ZAP70: variants seen among roughly 807,000 people sequenced by gnomAD.
The protein encoded by ZAP70 is zeta chain of T cell receptor associated protein kinase 70.
In ZAP70, 27 loss-of-function variants were observed where a neutral mutation model predicts 65.8. The ratio of observed to expected loss-of-function variants is 0.41; its 90% CI spans 0.30 to 0.57. ZAP70 has a LOEUF of 0.57. Among genes scored for constraint, ZAP70 ranks in the 20% least tolerant of loss-of-function variants. The pLI, the probability that ZAP70 is intolerant of heterozygous loss-of-function variation, is 0.28. For missense variants in ZAP70, 696 were observed against 870.5 expected, an observed-to-expected ratio of 0.80 and a Z score of 2.52; for synonymous variants, 363 against 360.8, an observed-to-expected ratio of 1.01 and a Z score of -0.07.
At chr2:97,714,284 C>T (rs1676823649) in intron 2 of ZAP70, among the ~76,000 whole-genome samples, 1 of 152,188 alleles carries the variant, frequency 6.6e-6, no homozygotes, top group African/African-American at 2.4e-5. Flanking sequence ...TGGCTGCATC[C>T]TTGGCTCTCG....
the ZAP70 span, among the ~76,000 whole-genome samples, chr2:97,754,911 G>C: frequency 6.6e-6 from 1 of 152,212 alleles, no homozygotes; most frequent in South Asian, 2.1e-4. Context: ...CAGGAAATCT[G>C]GTGTCCCCGA....
chr2:97,741,404 C>T (rs1281543260), downstream of ZAP70, among the ~76,000 whole-genome samples: 1 of 149,410 alleles, frequency 6.7e-6, no homozygotes, highest in Non-Finnish European at 1.5e-5. Context: ...CCGTCCCCAC[C>T]GGTGATGTCC....
Position 97,739,417 on chromosome 2 carries a change from G to A in ZAP70, c.1779G>A (p.Met593Ile). Reference protein sequence around the residue: ...RPDFLTVEQRMRACYYSLASK... With the variant: ...RPDFLTVEQRIRACYYSLASK... The stretch of plus-strand genomic sequence containing the variant: ...ACTTCCTGACCGTGGAGCAGCGCAT[G>A]CGAGCCTGTTACTACAGCCTGGCCA... Residue 593 changes from methionine (M) to isoleucine (I), a missense_variant, in exon 14 of 14, where the codon ATG becomes ATA. Met to Ile is a conservative substitution (Grantham distance 10). Around this residue, in one of 3 missense-constraint regions of ZAP70, gnomAD observed 78 missense variants for 88.6 expected, o/e 0.88. Coordinates refer to ENST00000264972, the MANE Select transcript of ZAP70 (RefSeq NM_001079.4). The A allele has an allele frequency of 6.2e-7, 1 of 1,613,716 alleles. No homozygotes were observed. Among genetic ancestry groups the A allele is most frequent in the South Asian group, 1.1e-5 (1 of 91,086 alleles).
chr2:97,740,263 ATGC>A, downstream of ZAP70, among the ~76,000 whole-genome samples: 1 of 152,186 alleles, frequency 6.6e-6, no homozygotes, highest in Non-Finnish European at 1.5e-5. Context: ...TCATTGGTAG[ATGC>A]ACGTATTAGC....
intron 2 of ZAP70, among the ~76,000 whole-genome samples, chr2:97,723,287 G>A (rs1490825996): frequency 1.3e-5 from 2 of 152,266 alleles, no homozygotes; most frequent in African/African-American, 2.4e-5. Flanking sequence ...CAGGGCGAGG[G>A]GTGCCTGCTA....
chr2:97,733,096 C>T, intron 5 of ZAP70, 29 bp from the exon 6 acceptor site: 1 of 1,613,990 alleles, frequency 6.2e-7, no homozygotes, highest in Non-Finnish European at 8.5e-7. Context: ...AGGAGAGGAG[C>T]CTCTCTGCTA....
chr2:97,733,577 G>A lies in ZAP70; in HGVS notation c.871G>A (p.Gly291Arg). ...ACGAATCGACACCCTCAACTCAGAT[G>A]GATACACCCCTGAGCCAGGTGAGCG... ...QRRIDTLNSD[G>R]YTPEPARITS... Residue 291 changes from glycine to arginine, a missense_variant, in exon 8 of 14, where the codon GGA becomes AGA. Physicochemically the swap from Gly to Arg is moderately radical, Grantham distance 125. Coordinates refer to ENST00000264972, the MANE Select transcript of ZAP70 (RefSeq NM_001079.4). 6.2e-7 allele frequency: 1 copy of A among 1,613,680 alleles called. No individual in the cohort carries two copies. The highest frequency in any genetic ancestry group is 8.5e-7 in the Non-Finnish European group (1 of 1,180,006).
At chr2:97,714,530 C>A (rs1676833517) in intron 2 of ZAP70, among the ~76,000 whole-genome samples, 1 of 152,178 alleles carries the variant, frequency 6.6e-6, no homozygotes, top group Admixed American at 6.5e-5. Flanking sequence ...GCCTCTCTGA[C>A]CTCAGTTTGT....
chr2:97,736,775 G>A lies in ZAP70; in HGVS notation c.1290-698G>A, dbSNP rs1014251815. On this transcript the variant is annotated intron_variant, in intron 10 of 13. Coordinates refer to ENST00000264972, the MANE Select transcript of ZAP70 (RefSeq NM_001079.4). This position sits in a 1 kb window ranked among gnomAD's most constrained non-coding sequence, Gnocchi z 4.0. Reference sequence around the variant, plus strand: ...GGTGGTCCCGTGCCTCGTGTGGTGCGGGCAGGGAGGGGATGAGCAGACCGT... The same window carrying A: ...GGTGGTCCCGTGCCTCGTGTGGTGCAGGCAGGGAGGGGATGAGCAGACCGT... Among the ~76,000 whole-genome samples, 1 of 152,154 alleles carries A rather than the reference G, an allele frequency of 6.6e-6. No homozygotes were observed. Among genetic ancestry groups the A allele is most frequent in the African/African-American group, 2.4e-5 (1 of 41,434 alleles).
At position 97,737,910 on chromosome 2, in the gene ZAP70, A is replaced by G. The variant is rs1283560004; in HGVS notation, c.1623+13A>G. 6.2e-7 allele frequency: 1 copy of G among 1,614,008 alleles called. No individual in the cohort carries two copies. The highest frequency in any genetic ancestry group is 1.3e-5 in the African/African-American group (1 of 74,936). On this transcript the variant is annotated intron_variant, in intron 12 of 13. Transcript: ENST00000264972. The surrounding 1 kb of genome is among the most constrained non-coding windows in gnomAD (Gnocchi z 5.0). Reference sequence around the variant, plus strand: ...GAAGCCCTACAAGGCAGGCGCGGGCAGAGGCAGGTGGGCGGTGTGGTGGGG... The same window carrying G: ...GAAGCCCTACAAGGCAGGCGCGGGCGGAGGCAGGTGGGCGGTGTGGTGGGG...
At chr2:97,722,075 G>A (rs753953739) in intron 2 of ZAP70, among the ~76,000 whole-genome samples, 14 of 147,864 alleles carry the variant, frequency 9.5e-5, no homozygotes, top group Non-Finnish European at 1.9e-4. Flanking sequence ...GAGCCACCAC[G>A]CTCGGCCTAT....
At chr2:97,724,719 C>A in intron 3 of ZAP70, 1 of 1,512,236 alleles carries the variant, frequency 6.6e-7, no homozygotes, top group Non-Finnish European at 8.8e-7. Context: ...GAAGGCGAGG[C>A]TTGGAATGGG....
rs1286538070 is a variant in ZAP70 at position 97,724,090 on chromosome 2, C to G, written c.54C>G (p.Ala18=). ...LPFFYGSISR[A]EAEEHLKLAG... Reference sequence around the variant, plus strand: ...TCTTCTACGGCAGCATCTCGCGTGCCGAGGCCGAGGAGCACCTGAAGCTGG... The same window carrying G: ...TCTTCTACGGCAGCATCTCGCGTGCGGAGGCCGAGGAGCACCTGAAGCTGG... Residue 18 remains alanine, a synonymous_variant, in exon 3 of 14, where the codon GCC becomes GCG. Coordinates refer to ENST00000264972, the MANE Select transcript of ZAP70 (RefSeq NM_001079.4). The G allele has an allele frequency of 2.6e-6, 4 of 1,561,506 alleles. No individual in the cohort carries two copies. Among genetic ancestry groups the G allele is most frequent in the South Asian group, 2.3e-5 (2 of 85,752 alleles).
At chr2:97,749,260 C>T in the ZAP70 span, among the ~76,000 whole-genome samples, 7 of 152,164 alleles carry the variant, frequency 4.6e-5, no homozygotes, top group African/African-American at 1.2e-4. Flanking sequence ...CCGCCTGCCT[C>T]GGCCTCCCAA....
At chr2:97,718,565 A>G (rs1363845175) in intron 2 of ZAP70, among the ~76,000 whole-genome samples, 1 of 152,112 alleles carries the variant, frequency 6.6e-6, no homozygotes, top group East Asian at 1.9e-4. Flanking sequence ...CCTTGTGGGC[A>G]GTGGGACAGG....
chr2:97,714,698 C>A (rs540362355), intron 2 of ZAP70, among the ~76,000 whole-genome samples: 1 of 152,210 alleles, frequency 6.6e-6, no homozygotes, highest in East Asian at 1.9e-4. Flanking sequence ...TCATTACTCT[C>A]GTCTTGGTTG....
intron 2 of ZAP70, among the ~76,000 whole-genome samples, chr2:97,719,364 G>A (rs993951923): frequency 2.0e-5 from 3 of 151,530 alleles, no homozygotes; most frequent in African/African-American, 7.3e-5. Context: ...GAAGGAGAGT[G>A]AGCAGGATGG....
In ZAP70 at chr2:97,735,449, G is replaced by T. The variant is rs149448335; in HGVS notation, c.1282G>T (p.Gly428Cys). Reference protein sequence around the residue: ...GGGPLHKFLVGKREEIPVSNV... With the variant: ...GGGPLHKFLVCKREEIPVSNV... ...CGGGCCGCTGCACAAGTTCCTGGTCGGCAAGAGGTGAGCACCGGGTGGGCC... is the reference window on the plus strand; with the variant it reads ...CGGGCCGCTGCACAAGTTCCTGGTCTGCAAGAGGTGAGCACCGGGTGGGCC... The change falls in exon 10 of 14, where the codon GGC becomes TGC. Residue 428 changes from glycine to cysteine, a missense_variant. This residue lies in a region of ZAP70 where 551 missense variants were observed against 630.0 expected (regional missense o/e 0.87). Coordinates refer to ENST00000264972, the MANE Select transcript of ZAP70 (RefSeq NM_001079.4). 3 of 1,610,974 alleles carry T rather than the reference G, an allele frequency of 1.9e-6. No homozygotes were observed. The highest frequency in any genetic ancestry group is 1.1e-5 in the South Asian group (1 of 91,034).
chr2:97,725,341 G>C, intron 4 of ZAP70, 89 bp downstream of exon 4: 1 of 1,514,552 alleles, frequency 6.6e-7, no homozygotes. Context: ...GTGTGCAGTT[G>C]GGCCGTAAGG....
Sources: gnomAD v4.1 joint callset for allele counts (sites outside exome capture counted in the v4.1 genomes callset) on GRCh38, gnomAD v4.1.1 for gene constraint, gnomAD v4.1.1 regional missense constraint, Gnocchi (gnomAD v3.1) non-coding constraint, MANE v1.5 for transcripts, NCBI Gene and HGNC (gene_info 2026-07-23, HGNC 2026-07-21) for gene names.